The following FGF14 variants were observed in gnomAD, a reference collection of about 807,000 sequenced individuals.
The protein encoded by FGF14 is fibroblast growth factor 14, also known as fibroblast growth factor homologous factor 4.
In FGF14, 5 loss-of-function variants were observed where a neutral mutation model predicts 25.5. That is an observed-to-expected ratio of 0.20 (90% confidence interval 0.10 to 0.41). The LOEUF (loss-of-function observed/expected upper bound fraction) is 0.41, where lower values mean the gene tolerates loss of function less well. Among genes scored for constraint, FGF14 ranks in the 10% least tolerant of loss-of-function variants. The pLI, the probability that FGF14 is intolerant of heterozygous loss-of-function variation, is 1.00. For missense variants in FGF14, 222 were observed against 320.1 expected, an observed-to-expected ratio of 0.69 and a Z score of 2.34; for synonymous variants, 138 against 118.3, an observed-to-expected ratio of 1.17 and a Z score of -1.08.
chr13:101,870,975 A>AATACATAC (rs202103201), intron 2 of FGF14, among the ~76,000 whole-genome samples: 5,008 of 150,464 alleles, frequency 0.033, 295 homozygotes, highest in East Asian at 0.25. Flanking sequence ...TAAATAAATA[A>AATACATAC]ATACATACAT....
At chr13:101,775,933 AT>A (rs2039076466) in intron 3 of FGF14, among the ~76,000 whole-genome samples, 1 of 152,200 alleles carries the variant, frequency 6.6e-6, no homozygotes, top group Non-Finnish European at 1.5e-5. Flanking sequence ...TCTGAAAGTA[AT>A]TATAAAATAC....
rs1428979388 is a variant in FGF14 at position 102,160,101 on chromosome 13, C to T, written c.208+241370G>A. Among the ~76,000 whole-genome samples, 3 of 152,150 alleles carry T rather than the reference C, an allele frequency of 2.0e-5. No homozygotes were observed. In the East Asian group the frequency reaches 5.8e-4, roughly 29 times the overall value. ...GCACACCTTCCTCCATCTCACTCTCCTAGGCTCCAATATGGGGGGCTCTAA... is the reference window on the plus strand; with the variant it reads ...GCACACCTTCCTCCATCTCACTCTCTTAGGCTCCAATATGGGGGGCTCTAA... On this transcript the variant is annotated intron_variant, in intron 1 of 4. Transcript: ENST00000376131.
Position 101,714,309 on chromosome 13 carries a change from A to T in FGF14, c.*8522T>A. ...AAAGCTCCCCTCTGAGAAACCAGCC[A>T]TTCAATACACTTTTACCTTTGGATG... On this transcript the variant is annotated 3_prime_UTR_variant, in exon 5 of 5. Transcript: ENST00000376143. 2 of 678,554 alleles carry T rather than the reference A, an allele frequency of 2.9e-6. No individual in the cohort carries two copies. The highest frequency in any genetic ancestry group is 5.0e-5 in the East Asian group (2 of 39,716). The allele number at this position is 678,554 out of a possible 1,614,324, so 42.0% of individuals were successfully genotyped here. A position where few individuals can be genotyped will look rare whatever the true frequency, so the allele number is the denominator to read the frequency against.
intron 1 of FGF14, among the ~76,000 whole-genome samples, chr13:102,304,046 T>C (rs1011195618): frequency 6.6e-6 from 1 of 152,160 alleles, no homozygotes; most frequent in Non-Finnish European, 1.5e-5. Flanking sequence ...TTGATGCAAA[T>C]GTTCAAGTTA....
intron 1 of FGF14, among the ~76,000 whole-genome samples, chr13:101,925,047 CA>C (rs1261724034): frequency 1.3e-5 from 2 of 151,786 alleles, no homozygotes; most frequent in Non-Finnish European, 2.9e-5. Flanking sequence ...GCTCTGTGAG[CA>C]AAGCAAGAAT....
At chr13:101,805,657 A>G (rs1263227126) in intron 3 of FGF14, among the ~76,000 whole-genome samples, 2 of 152,152 alleles carry the variant, frequency 1.3e-5, no homozygotes, top group African/African-American at 2.4e-5. Context: ...TATTCTTTTT[A>G]AGAACAATTT....
At position 101,916,593 on chromosome 13, in the gene FGF14, T is replaced by G. The variant is rs768865050; in HGVS notation, c.53A>C (p.Glu18Ala). 6.3e-7 allele frequency: 1 copy of G among 1,589,432 alleles called. No homozygotes were observed. The highest frequency in any genetic ancestry group is 1.8e-5 in the Admixed American group (1 of 56,856). Residue 18 changes from glutamate (E) to alanine (A), a missense_variant, in exon 1 of 5, where the codon GAG (glutamate) becomes GCG (alanine). Transcript: ENST00000376143. The stretch of plus-strand genomic sequence containing the variant: ...GGCAGACGGCCGGTCCCAGTGCTGC[T>G]CCCGCGCCTGCCGCTTCTGGCGGAT... Reference protein sequence around the residue: ...GLIRQKRQAREQHWDRPSASR... With the variant: ...GLIRQKRQARAQHWDRPSASR...
intron 1 of FGF14, among the ~76,000 whole-genome samples, chr13:102,016,675 A>G (rs2040364370): frequency 1.3e-5 from 2 of 152,110 alleles, no homozygotes; most frequent in Admixed American, 1.3e-4. Flanking sequence ...TTTTTTGTAG[A>G]TGGTTTCACC....
chr13:102,074,395 G>A (rs140386865), intron 1 of FGF14, among the ~76,000 whole-genome samples: 2 of 152,230 alleles, frequency 1.3e-5, no homozygotes, highest in African/African-American at 4.8e-5. Context: ...TCCCTACCTG[G>A]CGAGCATTCT....
intron 3 of FGF14, among the ~76,000 whole-genome samples, chr13:101,790,152 T>C (rs1161969689): frequency 1.3e-5 from 2 of 151,708 alleles, no homozygotes; most frequent in Non-Finnish European, 2.9e-5. Flanking sequence ...TTTCTATTAA[T>C]TTCTCCCAAA....
intron 3 of FGF14, among the ~76,000 whole-genome samples, chr13:101,807,799 C>T (rs1005435806): frequency 6.6e-5 from 10 of 151,924 alleles, no homozygotes; most frequent in East Asian, 3.9e-4. Flanking sequence ...CATGCTGCCA[C>T]GTCAAAGAGA....
At chr13:101,926,524 T>C (rs2034376443) in intron 1 of FGF14, among the ~76,000 whole-genome samples, 2 of 152,212 alleles carry the variant, frequency 1.3e-5, no homozygotes, top group African/African-American at 4.8e-5. Context: ...CAATTCTCAG[T>C]GATTGTGGAG....
intron 1 of FGF14, among the ~76,000 whole-genome samples, chr13:102,396,256 G>C (rs1406060346): frequency 6.6e-6 from 1 of 152,132 alleles, no homozygotes; most frequent in Non-Finnish European, 1.5e-5. Context: ...ACTGAGTTGG[G>C]CTCAAAGGTT....
intron 3 of FGF14, among the ~76,000 whole-genome samples, chr13:101,792,797 T>C (rs1334666113): frequency 6.6e-6 from 1 of 152,124 alleles, no homozygotes; most frequent in Non-Finnish European, 1.5e-5. Context: ...CAAGGGGCCC[T>C]ATAGTCCTTG....
intron 3 of FGF14, among the ~76,000 whole-genome samples, chr13:101,831,810 A>T (rs1180556883): frequency 2.6e-5 from 4 of 152,112 alleles, no homozygotes; most frequent in Non-Finnish European, 5.9e-5. Flanking sequence ...AAATAGGCAC[A>T]ACTGTTCTGT....
chr13:101,901,488 G>C (rs547359815), intron 1 of FGF14, among the ~76,000 whole-genome samples: 29 of 152,162 alleles, frequency 1.9e-4, no homozygotes, highest in Non-Finnish European at 2.8e-4. Context: ...TGGGTCACCT[G>C]AGGTCAGGAG....
At chr13:101,884,768 T>G (rs1420011690) in intron 1 of FGF14, among the ~76,000 whole-genome samples, 1 of 151,984 alleles carries the variant, frequency 6.6e-6, no homozygotes, top group Non-Finnish European at 1.5e-5. Context: ...AAAGCATACC[T>G]TATTTAAACG....
intron 1 of FGF14, among the ~76,000 whole-genome samples, chr13:102,358,866 C>T (rs1357934297): frequency 6.6e-6 from 1 of 152,062 alleles, no homozygotes; most frequent in Non-Finnish European, 1.5e-5. Context: ...GTGCCAGCCA[C>T]AAGGAAAATG....
intron 2 of FGF14, 53 bp from the exon 3 acceptor site, chr13:101,868,881 G>T (rs2044882607): frequency 8.4e-7 from 1 of 1,185,840 alleles, no homozygotes; most frequent in South Asian, 1.2e-5. Flanking sequence ...GCAGGGCAGA[G>T]TGTAATTTTT....
Sources: allele counts gnomAD v4.1 joint callset (sites outside exome capture counted in the v4.1 genomes callset), GRCh38; gene constraint gnomAD v4.1.1; transcripts MANE v1.5; gene names NCBI Gene and HGNC (gene_info 2026-07-23, HGNC 2026-07-21).